The following RHBDL2 variants were observed in gnomAD, a reference collection of about 807,000 sequenced individuals.
RHBDL2 encodes rhomboid like 2, also known as rhomboid-related protein 2.
In RHBDL2, 26 loss-of-function variants were observed where a neutral mutation model predicts 31.7. That is an observed-to-expected ratio of 0.82 (90% confidence interval 0.60 to 1.14). The LOEUF (loss-of-function observed/expected upper bound fraction) is 1.14. RHBDL2 is among the 50% of genes most tolerant of loss of function. RHBDL2 has a pLI of 0.00. For synonymous variants in RHBDL2, 123 were observed against 127.2 expected (o/e 0.97, Z 0.22); for missense variants, 336 against 364.4 (o/e 0.92, Z 0.63).
chr1:38,910,268 A>G (rs905861016), intron 4 of RHBDL2, among the ~76,000 whole-genome samples: 1 of 152,152 alleles, frequency 6.6e-6, no homozygotes, highest in African/African-American at 2.4e-5. Context: ...AATGTTTTGT[A>G]CCCTGACTAT....
rs1318049004 is a variant in RHBDL2 at position 38,915,465 on chromosome 1, T to C, written c.395+97A>G. The stretch of plus-strand genomic sequence containing the variant: ...AGGGTTGCTGTGAAGATTATGGACA[T>C]GAAAGTGCCTTATCAATAATAAAGC... On this transcript the variant is annotated intron_variant, in intron 3 of 7. Transcript: ENST00000372990. 1.7e-5 allele frequency: 21 copies of C among 1,259,180 alleles called. No individual in the cohort carries two copies. The East Asian group carries it at 4.9e-4, about 29-fold the overall frequency. The allele number at this position is 1,259,180 out of a possible 1,614,324, so 78.0% of individuals were successfully genotyped here. A position where few individuals can be genotyped will look rare whatever the true frequency, so the allele number is the denominator to read the frequency against.
Position 38,895,968 on chromosome 1 carries a change from C to A in RHBDL2, c.609+1G>T, listed in dbSNP as rs1642913815. The A allele has an allele frequency of 2.5e-6, 4 of 1,598,380 alleles. No individual in the cohort carries two copies. The highest frequency in any genetic ancestry group is 3.4e-6 in the Non-Finnish European group (4 of 1,166,004). On this transcript the variant is annotated splice_donor_variant, in intron 5 of 7. Transcript: ENST00000372990. LOFTEE classifies it high-confidence loss of function. ...GTGGACTCCATCCCCATGGTTCTTA[C>A]CACCAGAACATTCATAAAATAGCCT...
intron 4 of RHBDL2, among the ~76,000 whole-genome samples, chr1:38,903,367 T>C (rs1038456196): frequency 6.6e-6 from 1 of 152,018 alleles, no homozygotes; most frequent in African/African-American, 2.4e-5. Flanking sequence ...CTCGAGCTCC[T>C]GACCTCAGGC....
Position 38,896,074 on chromosome 1 carries a change from A to T in RHBDL2, c.509-5T>A. Reference sequence around the variant, plus strand: ...AGATGGAGCTGGCAAGGGACCCTAAAGAAATAAAACACAAAGGATCAGACA... The same window carrying T: ...AGATGGAGCTGGCAAGGGACCCTAATGAAATAAAACACAAAGGATCAGACA... On this transcript the variant is annotated splice_region_variant and splice_polypyrimidine_tract_variant and intron_variant, in intron 4 of 7. Transcript: ENST00000372990. 1 of 1,601,002 alleles carries T rather than the reference A, an allele frequency of 6.2e-7. No homozygotes were observed. The highest frequency in any genetic ancestry group is 8.6e-7 in the Non-Finnish European group (1 of 1,168,368).
rs1643136370 is a variant in RHBDL2, at chr1:38,911,181, TA to T, written c.508+140del. 8.8e-6 allele frequency: 5 copies of T among 565,150 alleles called. 1 individual carries two copies. The highest frequency in any genetic ancestry group is 5.6e-5 in the African/African-American group (3 of 53,646). The allele number at this position is 565,150 out of a possible 1,614,324, so 35.0% of individuals were successfully genotyped here. A position where few individuals can be genotyped will look rare whatever the true frequency, so the allele number is the denominator to read the frequency against. ...ATAGTATCTCTAATTCAATGATCTCTAAGGCTTAATGTGTTCCCGAGCACAT... is the reference window on the plus strand; with the variant it reads ...ATAGTATCTCTAATTCAATGATCTCTAGGCTTAATGTGTTCCCGAGCACAT... On this transcript the variant is annotated intron_variant, in intron 4 of 7. Coordinates refer to ENST00000372990, the MANE Select transcript of RHBDL2 (RefSeq NM_017821.5).
At chr1:38,918,155 T>C (rs944624193) in intron 2 of RHBDL2, among the ~76,000 whole-genome samples, 4 of 152,180 alleles carry the variant, frequency 2.6e-5, no homozygotes, top group African/African-American at 9.6e-5. Context: ...TATTAATCTC[T>C]CTTCCCCCAG....
chr1:38,887,989 A>T lies in RHBDL2; in HGVS notation c.706T>A (p.Phe236Ile), dbSNP rs1213040497. The change falls in exon 7 of 8, where the codon TTC (phenylalanine) becomes ATC (isoleucine). Residue 236 changes from phenylalanine (F) to isoleucine (I), a missense_variant. Transcript: ENST00000372990. ...GGAGACCCATCTTCAGGAACAAAGA[A>T]CCTTCTATAGAGAGCAAATCCCATG... is the stretch of plus-strand genomic sequence containing the variant. ...LDMGFALYRR[F>I]FVPEDGSPVS... The T allele has an allele frequency of 1.9e-6, 3 of 1,612,794 alleles. No individual in the cohort carries two copies. In the Admixed American group the frequency reaches 5.0e-5, roughly 27 times the overall value.
intron 4 of RHBDL2, among the ~76,000 whole-genome samples, chr1:38,897,068 G>A (rs1455448941): frequency 6.6e-6 from 1 of 151,928 alleles, no homozygotes; most frequent in Admixed American, 6.6e-5. Context: ...ACTCTGAGGA[G>A]GAGGAGATAG....
chr1:38,886,247 G>A lies in RHBDL2; in HGVS notation c.*257C>T, dbSNP rs376145794. The A allele has an allele frequency of 2.6e-5, 6 of 232,806 alleles. 1 individual carries two copies. The highest frequency in any genetic ancestry group is 2.5e-4 in the East Asian group (3 of 12,086). The allele number at this position is 232,806 out of a possible 1,614,324, so 14.4% of individuals were successfully genotyped here. A position where few individuals can be genotyped will look rare whatever the true frequency, so the allele number is the denominator to read the frequency against. On this transcript the variant is annotated 3_prime_UTR_variant, in exon 8 of 8. Transcript: ENST00000372990. ...TGGGATTACAGGCGTGAGCCACTGC[G>A]CCTGGCCCCAATCTCTAGTTTTTAC... is the stretch of plus-strand genomic sequence containing the variant.
chr1:38,895,917 C>T (rs1642912968), intron 5 of RHBDL2, 52 bp downstream of exon 5: 1 of 1,156,018 alleles, frequency 8.7e-7, no homozygotes, highest in Admixed American at 2.1e-5. Flanking sequence ...AGAAGAGTTA[C>T]TGTTTTCTGT....
intron 4 of RHBDL2, among the ~76,000 whole-genome samples, chr1:38,910,608 G>A (rs1020155007): frequency 1.3e-5 from 2 of 151,974 alleles, no homozygotes; most frequent in Admixed American, 1.3e-4. Flanking sequence ...TTCTCTTAAA[G>A]TTGTCTTTCT....
rs183032710 is a variant in RHBDL2, at chr1:38,897,351, C to T, written c.509-1282G>A. 1.3e-3 allele frequency among the ~76,000 whole-genome samples: 195 copies of T among 152,206 alleles called. 1 individual carries two copies. Among genetic ancestry groups the T allele is most frequent in the Non-Finnish European group, 1.8e-3 (121 of 68,026 alleles). ...TCCTGACCTCGTGATCTGCCCACCT[C>T]GGCCTCCCAAAGTGCTGGGATTACA... On this transcript the variant is annotated intron_variant, in intron 4 of 7. Transcript: ENST00000372990.
chr1:38,935,896 G>A (rs958467214), intron 1 of RHBDL2, among the ~76,000 whole-genome samples: 2 of 152,030 alleles, frequency 1.3e-5, no homozygotes, highest in South Asian at 2.1e-4. Context: ...TGACAGGTAT[G>A]AGCCACCACA....
intron 1 of RHBDL2, chr1:38,929,446 T>TG: frequency 7.8e-7 from 1 of 1,289,492 alleles, no homozygotes; most frequent in Non-Finnish European, 1.0e-6. Flanking sequence ...AACACCCTTA[T>TG]GACAACTCCT....
intron 1 of RHBDL2, among the ~76,000 whole-genome samples, chr1:38,937,982 C>T (rs1038640053): frequency 3.9e-5 from 6 of 152,028 alleles, no homozygotes; most frequent in Admixed American, 6.6e-5. Context: ...ATCAGCCTCA[C>T]TTCTGAAATG....
chr1:38,894,707 C>CTTTTTTTTTTTTTTTTTTTTTTTTT (rs71057159), intron 5 of RHBDL2, among the ~76,000 whole-genome samples: 28 of 114,172 alleles, frequency 2.5e-4, no homozygotes, highest in Non-Finnish European at 3.0e-4. Context: ...CTTTTTTTTT[C>CTTTTTTTTTTTTTTTTTTTTTTTTT]TTTTTTTTTT....
chr1:38,911,636 GTGTGTGTGT>G (rs758545948), intron 3 of RHBDL2, among the ~76,000 whole-genome samples: 2 of 70,098 alleles, frequency 2.9e-5, no homozygotes, highest in Non-Finnish European at 3.9e-5. Flanking sequence ...GTGTGTGTGT[GTGTGTGTGT>G]GCGCGCGCGC....
chr1:38,904,466 C>T (rs940452559), intron 4 of RHBDL2, among the ~76,000 whole-genome samples: 13 of 144,922 alleles, frequency 9.0e-5, no homozygotes, highest in Admixed American at 8.3e-4. Flanking sequence ...AATGAGACTC[C>T]GTCTCAAAAA....
intron 4 of RHBDL2, among the ~76,000 whole-genome samples, chr1:38,906,566 C>T (rs1017801871): frequency 2.0e-5 from 3 of 150,972 alleles, no homozygotes; most frequent in South Asian, 2.1e-4. Flanking sequence ...CCCAGCTACT[C>T]GGGAGGCTGA....
Sources: allele counts gnomAD v4.1 joint callset (sites outside exome capture counted in the v4.1 genomes callset), GRCh38; gene constraint gnomAD v4.1.1; transcripts MANE v1.5; gene names NCBI Gene and HGNC (gene_info 2026-07-23, HGNC 2026-07-21).